Variants in HECW2 observed in about 807,000 individuals in gnomAD.
HECW2 encodes the protein HECT, C2 and WW domain containing E3 ubiquitin protein ligase 2.
In HECW2, 61 loss-of-function variants were observed where a neutral mutation model predicts 175.2. The ratio of observed to expected loss-of-function variants is 0.35; its 90% confidence interval spans 0.28 to 0.43. The LOEUF (loss-of-function observed/expected upper bound fraction) is 0.43. Ranked by LOEUF, HECW2 falls within the 20% of genes least tolerant of loss-of-function variation. The pLI, the probability that HECW2 is intolerant of heterozygous loss-of-function variation, is 1.00. For synonymous variants in HECW2, 671 were observed against 731.0 expected, an observed-to-expected ratio of 0.92 and a Z score of 1.32; for missense variants, 1,524 against 2,000.5, an observed-to-expected ratio of 0.76 and a Z score of 4.54.
In HECW2 at chr2:196,323,899, G is replaced by GTTTTT. The variant is rs1183919803; in HGVS notation, c.741+1076_741+1080dup. 1.1e-4 allele frequency among the ~76,000 whole-genome samples: 13 copies of GTTTTT among 118,178 alleles called. 1 individual carries two copies. The highest frequency in any genetic ancestry group is 4.3e-4 in the African/African-American group (12 of 27,854). 77.5% of individuals were successfully genotyped at this position (118,178 alleles called of 152,430 possible). A position where few individuals can be genotyped will look rare whatever the true frequency, so the allele number is the denominator to read the frequency against. On this transcript the variant is annotated intron_variant, in intron 6 of 28. Transcript: ENST00000644978. ...TAGACTAAGTGGCATGCCCTTAAGAGTTTTTTTTGTTTTTTGTTTGTTTTT... is the reference window on the plus strand; with the variant it reads ...TAGACTAAGTGGCATGCCCTTAAGAGTTTTTTTTTTTTTGTTTTTTGTTTGTTTTT...
At chr2:196,501,487 G>A (rs931893195) in intron 1 of HECW2, among the ~76,000 whole-genome samples, 1 of 152,062 alleles carries the variant, frequency 6.6e-6, no homozygotes, top group South Asian at 2.1e-4. Context: ...CTGACCTCAA[G>A]TGATCTGCCC....
chr2:196,274,861 T>G (rs1322607568), intron 15 of HECW2, among the ~76,000 whole-genome samples: 2 of 152,170 alleles, frequency 1.3e-5, no homozygotes, highest in African/African-American at 2.4e-5. Flanking sequence ...ACTCTAATGT[T>G]GTTTTTGCTT....
intron 1 of HECW2, among the ~76,000 whole-genome samples, chr2:196,438,229 A>G (rs546670887): frequency 4.6e-5 from 7 of 152,368 alleles, no homozygotes; most frequent in Non-Finnish European, 8.8e-5. Flanking sequence ...GACACAGGAC[A>G]GGTGGAGAAT....
intron 2 of HECW2, among the ~76,000 whole-genome samples, chr2:196,344,056 T>C (rs1224148149): frequency 6.6e-6 from 1 of 152,154 alleles, no homozygotes; most frequent in Non-Finnish European, 1.5e-5. Context: ...GCTACAACTT[T>C]AGCTATGAGC....
At chr2:196,314,086 T>C (rs1382842898) in intron 10 of HECW2, among the ~76,000 whole-genome samples, 1 of 152,064 alleles carries the variant, frequency 6.6e-6, no homozygotes, top group African/African-American at 2.4e-5. Context: ...AGAAAGAGAG[T>C]GACCTGCACA....
chr2:196,589,383 G>T (rs898099745), intron 1 of HECW2, among the ~76,000 whole-genome samples: 2 of 152,096 alleles, frequency 1.3e-5, no homozygotes, highest in Non-Finnish European at 2.9e-5. Flanking sequence ...AGCAACTACT[G>T]CAGAAGCAAA....
At chr2:196,348,830 C>A (rs868080343) in intron 2 of HECW2, among the ~76,000 whole-genome samples, 1 of 152,290 alleles carries the variant, frequency 6.6e-6, no homozygotes, top group Non-Finnish European at 1.5e-5. Flanking sequence ...TTCCCTTTCT[C>A]GTTTCTCTTA....
At position 196,343,703 on chromosome 2, in the gene HECW2, T is replaced by C; in HGVS notation, c.354A>G (p.Lys118=). 1 of 1,613,452 alleles carries C rather than the reference T, an allele frequency of 6.2e-7. No individual in the cohort carries two copies. The highest frequency in any genetic ancestry group is 2.2e-5 in the East Asian group (1 of 44,864). The change falls in exon 3 of 29, where the codon AAA becomes AAG. Residue 118 remains lysine, a synonymous_variant. Coordinates refer to ENST00000644978, the MANE Select transcript of HECW2 (RefSeq NM_001348768.2). ...GCTCAATTCTCCATACAATTTGCCC[T>C]TTTTGTGTTCCAGTCACACCCCTGT... ...SKNRGVTGTQ[K]GQIVWRIEPG...
intron 2 of HECW2, among the ~76,000 whole-genome samples, chr2:196,429,240 TG>T (rs11424741): frequency 9.8e-4 from 149 of 151,528 alleles, no homozygotes; most frequent in African/African-American, 3.3e-3. Context: ...TTCCTGAGCC[TG>T]GGGGGGGCCT....
intron 1 of HECW2, among the ~76,000 whole-genome samples, chr2:196,578,013 A>G (rs1383292106): frequency 6.6e-6 from 1 of 152,206 alleles, no homozygotes; most frequent in Non-Finnish European, 1.5e-5. Flanking sequence ...CAGGAAATAA[A>G]GCAGGCAATC....
At chr2:196,206,340 T>A (rs2105772505) in intron 28 of HECW2, among the ~76,000 whole-genome samples, 1 of 152,362 alleles carries the variant, frequency 6.6e-6, no homozygotes, top group South Asian at 2.1e-4. Context: ...CTGGTCTGAC[T>A]TAATAGATCT....
chr2:196,377,309 G>A (rs576303257), intron 2 of HECW2, among the ~76,000 whole-genome samples: 1 of 152,252 alleles, frequency 6.6e-6, no homozygotes, highest in African/African-American at 2.4e-5. Context: ...CTTGATATAA[G>A]GTACTAAAAA....
intron 13 of HECW2, among the ~76,000 whole-genome samples, chr2:196,293,265 T>C (rs545421972): frequency 2.0e-5 from 3 of 152,332 alleles, no homozygotes; most frequent in South Asian, 2.1e-4. Flanking sequence ...TGGTTTTCTG[T>C]TCCTGTGTTA....
intron 1 of HECW2, among the ~76,000 whole-genome samples, chr2:196,553,688 G>A (rs1689684186): frequency 6.6e-6 from 1 of 152,208 alleles, no homozygotes; most frequent in African/African-American, 2.4e-5. Flanking sequence ...CTGATTTGCG[G>A]AACAACAGTC....
chr2:196,205,479 T>C (rs1687034837), intron 28 of HECW2, among the ~76,000 whole-genome samples: 1 of 152,172 alleles, frequency 6.6e-6, no homozygotes, highest in Non-Finnish European at 1.5e-5. Context: ...AAGCTTCAGA[T>C]ATTTTTTAAA....
intron 3 of HECW2, among the ~76,000 whole-genome samples, chr2:196,342,850 C>G (rs970974476): frequency 6.6e-6 from 1 of 151,620 alleles, no homozygotes; most frequent in African/African-American, 2.4e-5. Flanking sequence ...TTAAATTAAG[C>G]GATATCTTGA....
intron 1 of HECW2, among the ~76,000 whole-genome samples, chr2:196,513,695 A>G (rs1575621202): frequency 6.6e-6 from 1 of 152,214 alleles, no homozygotes; most frequent in East Asian, 1.9e-4. Context: ...AGAAGCCACA[A>G]AAGTAAGATT....
At chr2:196,499,143 G>A (rs962528796) in intron 1 of HECW2, among the ~76,000 whole-genome samples, 6 of 152,028 alleles carry the variant, frequency 3.9e-5, no homozygotes, top group African/African-American at 1.2e-4. Flanking sequence ...ATTATTAAAC[G>A]CTTTCTCTGC....
chr2:196,198,957 G>C lies in HECW2; in HGVS notation c.*2320C>G, dbSNP rs544297054. The C allele has an allele frequency of 1.3e-5, 2 of 152,148 alleles. No individual in the cohort carries two copies. Among genetic ancestry groups the C allele is most frequent in the Admixed American group, 1.3e-4 (2 of 15,278 alleles). 9.4% of individuals were successfully genotyped at this position (152,148 alleles called of 1,614,324 possible). On this transcript the variant is annotated 3_prime_UTR_variant, in exon 29 of 29. Transcript: ENST00000644978. ...TACATTAAAGTGTACTGTTATTTGGGAAAAAGTTGGATGCCTTAATAAAGA... is the reference window on the plus strand; with the variant it reads ...TACATTAAAGTGTACTGTTATTTGGCAAAAAGTTGGATGCCTTAATAAAGA...
Sources: gnomAD v4.1 joint callset for allele counts (sites outside exome capture counted in the v4.1 genomes callset) on GRCh38, gnomAD v4.1.1 for gene constraint, MANE v1.5 for transcripts, NCBI Gene and HGNC (gene_info 2026-07-23, HGNC 2026-07-21) for gene names.